Variants in VAT1L observed in about 807,000 individuals in gnomAD.
The protein encoded by VAT1L is vesicle amine transport 1 like.
VAT1L carries 34 observed loss-of-function variants against 44.1 expected under a neutral mutation model. That is an observed-to-expected ratio of 0.77 (90% CI 0.59 to 1.03). VAT1L has a LOEUF of 1.03. VAT1L is among the 50% of genes least tolerant of loss of function. The pLI, the probability that VAT1L is intolerant of heterozygous loss-of-function variation, is 0.00. For synonymous variants in VAT1L, 253 were observed against 202.2 expected (o/e 1.25, Z -2.13); for missense variants, 615 against 538.8 (o/e 1.14, Z -1.40).
In VAT1L at chr16:77,865,908, C is replaced by G. The variant is rs1021627251; in HGVS notation, c.722+3018C>G. On this transcript the variant is annotated intron_variant, in intron 4 of 8. Transcript: ENST00000302536. ...CCATTTCCTCAGCATCCTTCCCATCCTCTATCTTTCCACTGCCCTAGATCT... is the reference window on the plus strand; with the variant it reads ...CCATTTCCTCAGCATCCTTCCCATCGTCTATCTTTCCACTGCCCTAGATCT... 2.0e-5 allele frequency among the ~76,000 whole-genome samples: 3 copies of G among 152,110 alleles called. No homozygotes were observed. The East Asian group carries it at 5.8e-4, about 29-fold the overall frequency.
intron 7 of VAT1L, among the ~76,000 whole-genome samples, chr16:77,930,287 C>A (rs1310336029): frequency 6.6e-6 from 1 of 152,152 alleles, no homozygotes; most frequent in Non-Finnish European, 1.5e-5. Context: ...CAGTGAAAGC[C>A]ACTAGGTCTC....
chr16:77,822,338 T>C (rs2016465424), intron 2 of VAT1L, among the ~76,000 whole-genome samples: 3 of 152,172 alleles, frequency 2.0e-5, no homozygotes. Context: ...TTCTCCATAC[T>C]GATCAGGCTG....
intron 1 of VAT1L, among the ~76,000 whole-genome samples, chr16:77,798,622 C>T (rs1567466133): frequency 6.6e-6 from 1 of 152,164 alleles, no homozygotes; most frequent in Non-Finnish European, 1.5e-5. Context: ...AAAAGTCCCT[C>T]TGTGCTTCAT....
Position 77,862,735 on chromosome 16 carries a change from C to T in VAT1L, c.580-13C>T. The T allele has an allele frequency of 6.2e-7, 1 of 1,603,960 alleles. No homozygotes were observed. Among genetic ancestry groups the T allele is most frequent in the Non-Finnish European group, 8.5e-7 (1 of 1,174,434 alleles). On this transcript the variant is annotated splice_polypyrimidine_tract_variant and intron_variant, in intron 3 of 8. Coordinates refer to ENST00000302536, the MANE Select transcript of VAT1L (RefSeq NM_020927.3). ...CTCCTATGTGTGACATAGCTATTGTCTTTTCCTTCCAGGGTCAAGCTGTGG... is the reference window on the plus strand; with the variant it reads ...CTCCTATGTGTGACATAGCTATTGTTTTTTCCTTCCAGGGTCAAGCTGTGG...
chr16:77,889,911 G>A (rs1355980144), intron 7 of VAT1L, among the ~76,000 whole-genome samples: 1 of 151,856 alleles, frequency 6.6e-6, no homozygotes, highest in Non-Finnish European at 1.5e-5. Flanking sequence ...ACAGGGTGAA[G>A]CCCCATCTCT....
intron 7 of VAT1L, among the ~76,000 whole-genome samples, chr16:77,970,166 G>A (rs2018264195): frequency 6.6e-6 from 1 of 151,962 alleles, no homozygotes; most frequent in South Asian, 2.1e-4. Context: ...AGACCAGGAG[G>A]TCAAACCTGC....
At chr16:77,866,067 G>C (rs1334466094) in intron 4 of VAT1L, among the ~76,000 whole-genome samples, 1 of 152,066 alleles carries the variant, frequency 6.6e-6, no homozygotes, top group East Asian at 1.9e-4. Context: ...GAGACCTTGG[G>C]ATTACACTCA....
chr16:77,944,469 C>A (rs768192572), intron 7 of VAT1L, among the ~76,000 whole-genome samples: 5 of 152,082 alleles, frequency 3.3e-5, no homozygotes, highest in Admixed American at 6.5e-5. Flanking sequence ...AGTCTTATTC[C>A]CATCATTAAA....
At chr16:77,799,801 T>C (rs934118934) in intron 1 of VAT1L, among the ~76,000 whole-genome samples, 2 of 152,162 alleles carry the variant, frequency 1.3e-5, no homozygotes, top group African/African-American at 4.8e-5. Flanking sequence ...AAATAACACA[T>C]ATTTTCAACT....
chr16:77,894,607 A>T (rs2017301731), intron 7 of VAT1L, among the ~76,000 whole-genome samples: 1 of 152,134 alleles, frequency 6.6e-6, no homozygotes, highest in African/African-American at 2.4e-5. Flanking sequence ...TTCTTTTTGG[A>T]GAGATAAAAA....
intron 8 of VAT1L, 53 bp from the exon 9 acceptor site, chr16:77,977,544 G>A: frequency 6.3e-7 from 1 of 1,579,520 alleles, no homozygotes; most frequent in South Asian, 1.1e-5. Context: ...GATGCTCAGA[G>A]ATGACGAGGC....
At chr16:77,969,937 G>T (rs1050500283) in intron 7 of VAT1L, among the ~76,000 whole-genome samples, 4 of 151,574 alleles carry the variant, frequency 2.6e-5, no homozygotes, top group African/African-American at 4.8e-5. Context: ...TCAGGGCCGG[G>T]CACAGTGGCT....
intron 7 of VAT1L, among the ~76,000 whole-genome samples, chr16:77,896,987 T>C (rs182841948): frequency 1.3e-5 from 2 of 152,272 alleles, no homozygotes; most frequent in Admixed American, 1.3e-4. Flanking sequence ...TCTATTTGCC[T>C]TTGAGGTTGA....
rs192687858 is a variant in VAT1L, at chr16:77,971,844, G to A, written c.1078-6G>A. The A allele has an allele frequency of 6.8e-5, 110 of 1,611,910 alleles. No homozygotes were observed. In the African/African-American group the frequency reaches 9.6e-4, roughly 14 times the overall value. On this transcript the variant is annotated splice_polypyrimidine_tract_variant and splice_region_variant and intron_variant, in intron 7 of 8. Transcript: ENST00000302536. ...CAGCACCTCTGTTTCTCACCTTTTC[G>A]CGCAGGTGAAGGAGGCCATGCAGCG...
chr16:77,959,296 G>T (rs975939755), intron 7 of VAT1L, among the ~76,000 whole-genome samples: 3 of 152,154 alleles, frequency 2.0e-5, no homozygotes, highest in African/African-American at 7.2e-5. Context: ...GAATCTTGGG[G>T]CTCACGCACT....
At chr16:77,843,387 G>C (rs2016726756) in intron 3 of VAT1L, among the ~76,000 whole-genome samples, 2 of 152,164 alleles carry the variant, frequency 1.3e-5, no homozygotes, top group Middle Eastern at 3.2e-3. Flanking sequence ...CAGATCTCCA[G>C]AGCCCCAACA....
chr16:77,801,182 G>A (rs931748943), intron 1 of VAT1L: 5 of 117,198 alleles, frequency 4.3e-5, no homozygotes, highest in Non-Finnish European at 9.2e-5. Context: ...TATGCTAAGT[G>A]TTCTATGGTG....
chr16:77,953,665 C>T (rs1051594787), intron 7 of VAT1L, among the ~76,000 whole-genome samples: 3 of 152,140 alleles, frequency 2.0e-5, no homozygotes, highest in African/African-American at 7.2e-5. Flanking sequence ...GCTAGGATTA[C>T]AGGTGCGTGC....
chr16:77,951,697 G>A (rs181943062), intron 7 of VAT1L, among the ~76,000 whole-genome samples: 2 of 152,138 alleles, frequency 1.3e-5, no homozygotes, highest in South Asian at 2.1e-4. Context: ...CTGAGCCAGC[G>A]ACATTTGAGG....
Sources: gnomAD v4.1 joint callset for allele counts (sites outside exome capture counted in the v4.1 genomes callset) on GRCh38, gnomAD v4.1.1 for gene constraint, MANE v1.5 for transcripts, NCBI Gene and HGNC (gene_info 2026-07-23, HGNC 2026-07-21) for gene names.